The following POLR1B variants were observed in gnomAD, a reference collection of about 807,000 sequenced individuals.
POLR1B encodes RNA polymerase I subunit B.
Under a neutral mutation model 105.8 loss-of-function variants are expected in POLR1B, and 30 were observed. The ratio of observed to expected loss-of-function variants is 0.28; its 90% CI spans 0.21 to 0.38. The LOEUF is 0.38. Among genes scored for constraint, POLR1B ranks in the 10% least tolerant of loss-of-function variants. The pLI is 1.00. For synonymous variants in POLR1B, 485 were observed against 505.1 expected (o/e 0.96, Z 0.53); for missense variants, 976 against 1,435.8 (o/e 0.68, Z 5.17).
intron 1 of POLR1B, among the ~76,000 whole-genome samples, chr2:112,543,020 C>T (rs1386864343): frequency 6.6e-6 from 1 of 152,160 alleles, no homozygotes; most frequent in African/African-American, 2.4e-5. Flanking sequence ...CAAAACGTAC[C>T]TCGAAAGATC....
At chr2:112,561,807 CGGA>C (rs1181629854) in intron 9 of POLR1B, among the ~76,000 whole-genome samples, 3 of 152,032 alleles carry the variant, frequency 2.0e-5, no homozygotes, top group Non-Finnish European at 2.9e-5. Context: ...GTGCTGCACT[CGGA>C]GGCAATTTGT....
Position 112,542,472 on chromosome 2 carries a change from G to A in POLR1B, c.-23G>A, listed in dbSNP as rs370920579. On this transcript the variant is annotated 5_prime_UTR_variant, in exon 1 of 15. Transcript: ENST00000263331. ...GCGTCCGGCGTGTACCGAGAGACTGGCGTCCGGTGTGCAGGTGGCCACATG... is the reference window on the plus strand; with the variant it reads ...GCGTCCGGCGTGTACCGAGAGACTGACGTCCGGTGTGCAGGTGGCCACATG... 64 of 1,613,614 alleles carry A rather than the reference G, an allele frequency of 4.0e-5. No homozygotes were observed. Among genetic ancestry groups the A allele is most frequent in the Non-Finnish European group, 5.3e-5 (62 of 1,179,972 alleles).
Position 112,574,982 on chromosome 2 carries a change from T to C in POLR1B, c.2661T>C (p.His887=). The C allele has an allele frequency of 6.2e-7, 1 of 1,614,214 alleles. No individual in the cohort carries two copies. The highest frequency in any genetic ancestry group is 8.5e-7 in the Non-Finnish European group (1 of 1,180,046). The part of the protein sequence containing the change: ...PTIGDKFASR[H]GQKGILSRLW... Reference sequence around the variant, plus strand: ...TCGGAGATAAATTTGCCAGTCGCCATGGGCAGAAGGGCATTTTAAGCAGAT... The same window carrying C: ...TCGGAGATAAATTTGCCAGTCGCCACGGGCAGAAGGGCATTTTAAGCAGAT... Residue 887 remains histidine (H), a synonymous_variant, in exon 15 of 15, where the codon CAT becomes CAC. Transcript: ENST00000263331.
intron 1 of POLR1B, chr2:112,545,893 C>T (rs1344603263): frequency 2.3e-5 from 6 of 265,560 alleles, no homozygotes; most frequent in Non-Finnish European, 4.6e-5. Flanking sequence ...TAGTCCTCCT[C>T]TCTCGGTCTC....
At chr2:112,557,108 C>G (rs905380442) in intron 7 of POLR1B, among the ~76,000 whole-genome samples, 2 of 152,050 alleles carry the variant, frequency 1.3e-5, no homozygotes, top group Non-Finnish European at 2.9e-5. Context: ...CAAAGTGAGA[C>G]CCCCATCTCT....
chr2:112,568,108 A>G lies in POLR1B; in HGVS notation c.1888A>G (p.Lys630Glu). Reference sequence around the variant, plus strand: ...GCCTGTGCAGAACTTAGCATTGGGCAAAGAAGAGCTAATTGGAACTATGGA... The same window carrying G: ...GCCTGTGCAGAACTTAGCATTGGGCGAAGAAGAGCTAATTGGAACTATGGA... Reference protein sequence around the residue: ...VRPVQNLALGKEELIGTMEQI... With the variant: ...VRPVQNLALGEEELIGTMEQI... Residue 630 changes from lysine to glutamate, a missense_variant, in exon 11 of 15, where the codon AAA becomes GAA. Lys to Glu is a moderately conservative substitution (Grantham distance 56). Transcript: ENST00000263331. The G allele has an allele frequency of 6.2e-7, 1 of 1,614,136 alleles. No homozygotes were observed. The highest frequency in any genetic ancestry group is 8.5e-7 in the Non-Finnish European group (1 of 1,179,954).
chr2:112,542,176 T>C (rs796730421), upstream of POLR1B: 9 of 1,535,584 alleles, frequency 5.9e-6, no homozygotes, highest in African/African-American at 8.2e-5. Context: ...GGTCACATGC[T>C]CAACTGGGCG....
chr2:112,551,971 A>G lies in POLR1B; in HGVS notation c.959A>G (p.Asn320Ser). Residue 320 changes from asparagine (N) to serine (S), a missense_variant, in exon 6 of 15, where the codon AAT (asparagine) becomes AGT (serine). Asn to Ser is a conservative substitution (Grantham distance 46). Coordinates refer to ENST00000263331, the MANE Select transcript of POLR1B (RefSeq NM_019014.6). The stretch of plus-strand genomic sequence containing the variant: ...CTCAATGTTCCTGACTGGTACCCAA[A>G]TGAGCAAGCTGCGGAGTTCCTGTTT... ...VKLNVPDWYPNEQAAEFLFNQ... is the reference protein window; with the variant it reads ...VKLNVPDWYPSEQAAEFLFNQ... 1 of 1,614,138 alleles carries G rather than the reference A, an allele frequency of 6.2e-7. No individual in the cohort carries two copies. The highest frequency in any genetic ancestry group is 1.1e-5 in the South Asian group (1 of 91,080).
At chr2:112,563,191 A>G (rs1256855100) in intron 9 of POLR1B, among the ~76,000 whole-genome samples, 1 of 151,276 alleles carries the variant, frequency 6.6e-6, no homozygotes, top group Non-Finnish European at 1.5e-5. Flanking sequence ...AGTAGCTGGG[A>G]CTACAGGCGC....
At chr2:112,557,335 T>C (rs1055265475) in intron 7 of POLR1B, among the ~76,000 whole-genome samples, 1 of 152,228 alleles carries the variant, frequency 6.6e-6, no homozygotes. Context: ...TGCAGGCTGC[T>C]TTAGGCTTTT....
Position 112,579,747 on chromosome 2 carries a change from ATTGT to A in POLR1B, c.*4023_*4026del, listed in dbSNP as rs958425580. Among the ~76,000 whole-genome samples the A allele has an allele frequency of 5.9e-5, 9 of 152,096 alleles. No homozygotes were observed. Among genetic ancestry groups the A allele is most frequent in the South Asian group, 2.1e-4 (1 of 4,818 alleles). On this transcript the variant is annotated 3_prime_UTR_variant, in exon 15 of 15. Coordinates refer to ENST00000263331, the MANE Select transcript of POLR1B (RefSeq NM_019014.6). ...TGTCTGCTGTTCATTTTTTAATTGGATTGTTTGTCTTCTTACTGTTGAATTTCAA... is the reference window on the plus strand; with the variant it reads ...TGTCTGCTGTTCATTTTTTAATTGGATTGTCTTCTTACTGTTGAATTTCAA...
intron 7 of POLR1B, among the ~76,000 whole-genome samples, chr2:112,555,409 G>T (rs1683607821): frequency 6.6e-6 from 1 of 152,196 alleles, no homozygotes; most frequent in South Asian, 2.1e-4. Context: ...GGGAGGCCGG[G>T]GTGGGAGGAT....
chr2:112,566,583 A>T (rs1310394195), intron 10 of POLR1B, among the ~76,000 whole-genome samples: 2 of 152,044 alleles, frequency 1.3e-5, no homozygotes, highest in Non-Finnish European at 2.9e-5. Context: ...ATATTCTGTT[A>T]CTACTTATTT....
In POLR1B at chr2:112,559,371, G is replaced by A. The variant is rs377419452; in HGVS notation, c.1409G>A (p.Arg470His). ...TTCATACGCTACCTCTCCCATTTCCGCTGCGTGCACAGAGGGGCTGATTTT... is the reference window on the plus strand; with the variant it reads ...TTCATACGCTACCTCTCCCATTTCCACTGCGTGCACAGAGGGGCTGATTTT... Reference protein sequence around the residue: ...LNFIRYLSHFRCVHRGADFAK... With the variant: ...LNFIRYLSHFHCVHRGADFAK... Residue 470 changes from arginine to histidine, a missense_variant, in exon 9 of 15, where the codon CGC (arginine) becomes CAC (histidine). Around this residue, in one of 12 missense-constraint regions of POLR1B, gnomAD observed 452 missense variants for 616.5 expected, o/e 0.73. Transcript: ENST00000263331. The A allele has an allele frequency of 9.9e-6, 16 of 1,613,968 alleles. No individual in the cohort carries two copies. The highest frequency in any genetic ancestry group is 1.7e-5 in the Admixed American group (1 of 59,996).
rs747179272 is a variant in POLR1B at position 112,568,892 on chromosome 2, A to G, written c.2064A>G (p.Gln688=). 1 of 1,613,880 alleles carries G rather than the reference A, an allele frequency of 6.2e-7. No individual in the cohort carries two copies. Among genetic ancestry groups the G allele is most frequent in the East Asian group, 2.2e-5 (1 of 44,878 alleles). The change falls in exon 12 of 15, where the codon CAA becomes CAG. Residue 688 remains glutamine, a synonymous_variant. Coordinates refer to ENST00000263331, the MANE Select transcript of POLR1B (RefSeq NM_019014.6). ...DHNQSPRNMY[Q]CQMGKQTMGF... ...ACCAGAGTCCACGGAACATGTACCAATGCCAGATGGGTAAGGAAGAGGGAT... is the reference window on the plus strand; with the variant it reads ...ACCAGAGTCCACGGAACATGTACCAGTGCCAGATGGGTAAGGAAGAGGGAT...
At position 112,547,575 on chromosome 2, in the gene POLR1B, C is replaced by T. The variant is rs78234807; in HGVS notation, c.492+8C>T. 13,551 of 1,613,218 alleles carry T rather than the reference C, an allele frequency of 8.4e-3. 277 individuals are homozygous for T. In the East Asian group the frequency reaches 0.097, roughly 12 times the overall value. ...CACCATGAGGAGGCAGAGGTAATGA[C>T]GGGCGTCCAGGCATGAGACAGTAGA... On this transcript the variant is annotated splice_region_variant and intron_variant, in intron 3 of 14. Coordinates refer to ENST00000263331, the MANE Select transcript of POLR1B (RefSeq NM_019014.6).
intron 1 of POLR1B, 83 bp from the exon 2 acceptor site, chr2:112,546,929 T>C: frequency 1.4e-6 from 2 of 1,432,068 alleles, no homozygotes; most frequent in Non-Finnish European, 1.9e-6. Context: ...TCAATGTTTG[T>C]AGAACACATA....
chr2:112,546,099 A>G (rs2104505888), intron 1 of POLR1B, among the ~76,000 whole-genome samples: 2 of 152,202 alleles, frequency 1.3e-5, no homozygotes, highest in South Asian at 4.1e-4. Flanking sequence ...TCTAAGACTA[A>G]GTCTAGGAGG....
rs960309356 is a variant in POLR1B at position 112,559,670 on chromosome 2, G to T, written c.1612+96G>T. Reference sequence around the variant, plus strand: ...TTTTGAGATGGAGTGTTGCTATGTCGCCCAGGCTGGAGTGCAGTGGCGCGA... The same window carrying T: ...TTTTGAGATGGAGTGTTGCTATGTCTCCCAGGCTGGAGTGCAGTGGCGCGA... On this transcript the variant is annotated intron_variant, in intron 9 of 14. Coordinates refer to ENST00000263331, the MANE Select transcript of POLR1B (RefSeq NM_019014.6). 5 of 1,438,982 alleles carry T rather than the reference G, an allele frequency of 3.5e-6. No homozygotes were observed. The African/African-American group carries it at 7.1e-5, about 20-fold the overall frequency. The allele number at this position is 1,438,982 out of a possible 1,614,324, so 89.1% of individuals were successfully genotyped here. A position where few individuals can be genotyped will look rare whatever the true frequency, so the allele number is the denominator to read the frequency against.
Sources: gnomAD v4.1 joint callset for allele counts (sites outside exome capture counted in the v4.1 genomes callset) on GRCh38, gnomAD v4.1.1 for gene constraint, gnomAD v4.1.1 regional missense constraint, MANE v1.5 for transcripts, NCBI Gene and HGNC (gene_info 2026-07-23, HGNC 2026-07-21) for gene names.